The following LRRC37A2 variants were observed in gnomAD, a reference collection of about 807,000 sequenced individuals.
The protein encoded by LRRC37A2 is leucine-rich repeat-containing protein 37A2.
Under a neutral mutation model 68.8 loss-of-function variants are expected in LRRC37A2, and 9 were observed. That is an observed-to-expected ratio of 0.13 (90% CI 0.08 to 0.23). The LOEUF is 0.23. LRRC37A2 is among the 10% of genes least tolerant of loss of function. The probability of loss-of-function intolerance (pLI) is 1.00; values close to 1 mark genes in which losing one functional copy is unlikely to be tolerated. For missense variants in LRRC37A2, 168 were observed against 950.4 expected, an observed-to-expected ratio of 0.18 and a Z score of 10.82; for synonymous variants, 63 against 367.6, an observed-to-expected ratio of 0.17 and a Z score of 9.48.
the LRRC37A2 span, among the ~76,000 whole-genome samples, chr17:46,906,665 G>A: frequency 2.6e-5 from 4 of 152,014 alleles, no homozygotes; most frequent in African/African-American, 9.7e-5. Flanking sequence ...TATTATATAA[G>A]CCTCATAACA....
At chr17:46,721,469 G>A in the LRRC37A2 span, 1 of 687,520 alleles carries the variant, frequency 1.5e-6, no homozygotes, top group African/African-American at 1.8e-5. Context: ...CCCTATATAT[G>A]TATGTTGATA....
the LRRC37A2 span, among the ~76,000 whole-genome samples, chr17:47,000,734 G>T: frequency 6.6e-6 from 1 of 151,960 alleles, no homozygotes; most frequent in Admixed American, 6.6e-5. Context: ...CTTTATAATC[G>T]TGGGTTTCAG....
the LRRC37A2 span, among the ~76,000 whole-genome samples, chr17:46,793,341 A>C: frequency 0.021 from 3,200 of 150,182 alleles, 104 homozygotes; most frequent in African/African-American, 0.072. Flanking sequence ...TATAGAGAGC[A>C]TGTTCATGGA....
At chr17:46,793,313 ATT>A in the LRRC37A2 span, among the ~76,000 whole-genome samples, 1 of 144,876 alleles carries the variant, frequency 6.9e-6, no homozygotes, top group African/African-American at 2.5e-5. Context: ...GAGGGGAGAC[ATT>A]TACCAGGACA....
At chr17:47,018,679 A>G in the LRRC37A2 span, 56 of 1,520,460 alleles carry the variant, frequency 3.7e-5, no homozygotes, top group South Asian at 5.5e-4. Context: ...CCAACCCAGC[A>G]GGAGGCTGCA....
At chr17:46,863,520 CAAAG>C in the LRRC37A2 span, among the ~76,000 whole-genome samples, 12 of 151,962 alleles carry the variant, frequency 7.9e-5, no homozygotes, top group Non-Finnish European at 1.8e-4. Context: ...TGGGAGAAGA[CAAAG>C]AAAGAGGATG....
At chr17:46,726,413 T>A in the LRRC37A2 span, 1 of 794,704 alleles carries the variant, frequency 1.3e-6, no homozygotes, top group Non-Finnish European at 2.2e-6. Flanking sequence ...GTGTGTCAAT[T>A]CTAATTTATT....
At chr17:46,907,758 A>G in the LRRC37A2 span, among the ~76,000 whole-genome samples, 1 of 147,738 alleles carries the variant, frequency 6.8e-6, no homozygotes, top group African/African-American at 2.5e-5. Flanking sequence ...GGGGGGGGTG[A>G]GGCAGAAGGA....
At chr17:46,760,204 G>A in the LRRC37A2 span, among the ~76,000 whole-genome samples, 2 of 152,158 alleles carry the variant, frequency 1.3e-5, no homozygotes, top group African/African-American at 4.8e-5. Flanking sequence ...AGGCTGTGTT[G>A]AGCCATGATC....
At chr17:47,008,887 T>C in the LRRC37A2 span, among the ~76,000 whole-genome samples, 1 of 152,224 alleles carries the variant, frequency 6.6e-6, no homozygotes, top group Non-Finnish European at 1.5e-5. Context: ...GTACTTTGAA[T>C]ATGACTGTTT....
At chr17:46,742,005 C>T in the LRRC37A2 span, among the ~76,000 whole-genome samples, 1,826 of 152,290 alleles carry the variant, frequency 0.012, 14 homozygotes, top group Middle Eastern at 0.041. Context: ...CCACCCGCCT[C>T]GGCCTCCCAA....
the LRRC37A2 span, among the ~76,000 whole-genome samples, chr17:46,908,448 G>C: frequency 2.0e-5 from 3 of 152,204 alleles, no homozygotes; most frequent in African/African-American, 7.2e-5. Context: ...GCCCCTGACT[G>C]CCTGGCCTCC....
chr17:46,885,023 T>G, the LRRC37A2 span: 9 of 438,452 alleles, frequency 2.1e-5, no homozygotes, highest in South Asian at 1.5e-4. Context: ...AGTCTTGTTC[T>G]TGTTGCGCAG....
chr17:46,922,717 T>C, the LRRC37A2 span: 1 of 162,418 alleles, frequency 6.2e-6, no homozygotes, highest in African/African-American at 2.4e-5. Context: ...AGTAGACAAA[T>C]GCGAAACAGG....
At chr17:46,833,962 G>A in the LRRC37A2 span, among the ~76,000 whole-genome samples, 105 of 152,230 alleles carry the variant, frequency 6.9e-4, no homozygotes, top group African/African-American at 2.4e-3. Flanking sequence ...TTGGGAGTCT[G>A]AGGCAGGAGG....
At chr17:46,490,557 T>TA in the LRRC37A2 span, among the ~76,000 whole-genome samples, 1 of 150,594 alleles carries the variant, frequency 6.6e-6, no homozygotes, top group East Asian at 1.9e-4. Context: ...ACCTCGTCTC[T>TA]ACTAAAAATA....
the LRRC37A2 span, among the ~76,000 whole-genome samples, chr17:46,757,748 G>A: frequency 6.6e-6 from 1 of 151,296 alleles, no homozygotes; most frequent in Admixed American, 6.6e-5. Flanking sequence ...CCTGTAATCC[G>A]AGAGGGAGGC....
At chr17:46,961,207 A>G in the LRRC37A2 span, among the ~76,000 whole-genome samples, 1 of 152,238 alleles carries the variant, frequency 6.6e-6, no homozygotes, top group Non-Finnish European at 1.5e-5. Context: ...AACCACTAAA[A>G]AAACAGAAAT....
chr17:46,834,079 CAG>C, the LRRC37A2 span, among the ~76,000 whole-genome samples: 1 of 152,144 alleles, frequency 6.6e-6, no homozygotes, highest in Non-Finnish European at 1.5e-5. Context: ...TTTGCAGTCT[CAG>C]CTACTCGGGA....
Sources: gnomAD v4.1 joint callset for allele counts (sites outside exome capture counted in the v4.1 genomes callset) on GRCh38, gnomAD v4.1.1 for gene constraint, MANE v1.5 for transcripts, NCBI Gene and HGNC (gene_info 2026-07-23, HGNC 2026-07-21) for gene names.